The following DMXL2 variants were observed in gnomAD, a reference collection of about 807,000 sequenced individuals.
DMXL2 encodes dmX-like protein 2.
In DMXL2, 103 loss-of-function variants were observed where a neutral mutation model predicts 331.1. That is an observed-to-expected ratio of 0.31 (90% CI 0.27 to 0.37). The LOEUF is 0.37. Ranked by LOEUF, DMXL2 falls within the 10% of genes least tolerant of loss-of-function variation. DMXL2 has a pLI of 1.00. For synonymous variants in DMXL2, 1,281 were observed against 1,252.1 expected (o/e 1.02, Z -0.49); for missense variants, 3,171 against 3,642.9 (o/e 0.87, Z 3.33).
At chr15:51,561,471 A>G (rs538222889) in intron 6 of DMXL2, among the ~76,000 whole-genome samples, 2 of 152,234 alleles carry the variant, frequency 1.3e-5, no homozygotes, top group Admixed American at 1.3e-4. Flanking sequence ...GCCAGTTCTG[A>G]GGCACCCGTG....
At chr15:51,496,339 G>A (rs536987342) in intron 18 of DMXL2, among the ~76,000 whole-genome samples, 2 of 152,284 alleles carry the variant, frequency 1.3e-5, no homozygotes, top group South Asian at 4.1e-4. Flanking sequence ...TGAGAGATAG[G>A]GAATGCTGGA....
chr15:51,585,667 T>C (rs1161448351), intron 1 of DMXL2, among the ~76,000 whole-genome samples: 1 of 152,208 alleles, frequency 6.6e-6, no homozygotes, highest in African/African-American at 2.4e-5. Context: ...CCAAGCTGTA[T>C]AAAAGTACCT....
At chr15:51,515,308 T>C (rs2046974926) in intron 14 of DMXL2, among the ~76,000 whole-genome samples, 1 of 152,132 alleles carries the variant, frequency 6.6e-6, no homozygotes, top group South Asian at 2.1e-4. Context: ...ATCAATCAGA[T>C]GGCTCCCCCA....
intron 13 of DMXL2, among the ~76,000 whole-genome samples, chr15:51,531,067 T>C (rs1301458234): frequency 1.3e-5 from 2 of 152,170 alleles, no homozygotes; most frequent in Non-Finnish European, 2.9e-5. Flanking sequence ...AGACCCAGAA[T>C]AGCCAAAGCT....
chr15:51,531,541 T>G (rs954845042), intron 13 of DMXL2, among the ~76,000 whole-genome samples: 1 of 151,926 alleles, frequency 6.6e-6, no homozygotes, highest in Non-Finnish European at 1.5e-5. Context: ...TGGGATCACA[T>G]CAAGTTAAAA....
intron 13 of DMXL2, among the ~76,000 whole-genome samples, chr15:51,520,865 T>A (rs796791606): frequency 6.6e-6 from 1 of 151,970 alleles, no homozygotes; most frequent in East Asian, 1.9e-4. Context: ...TCAAAATAAA[T>A]AAATAAATAA....
At chr15:51,470,952 C>G (rs2041048405) in intron 29 of DMXL2, among the ~76,000 whole-genome samples, 1 of 152,080 alleles carries the variant, frequency 6.6e-6, no homozygotes, top group African/African-American at 2.4e-5. Flanking sequence ...ATTCCAGTCA[C>G]TCGAAAAAGA....
At chr15:51,588,408 G>C (rs1281690804) in intron 1 of DMXL2, among the ~76,000 whole-genome samples, 2 of 152,006 alleles carry the variant, frequency 1.3e-5, no homozygotes, top group Non-Finnish European at 2.9e-5. Context: ...ATCTGGCCAG[G>C]AGCGCTGGGA....
At position 51,463,493 on chromosome 15, in the gene DMXL2, G is replaced by C. The variant is rs757074229; in HGVS notation, c.7812C>G (p.Ser2604=). The C allele has an allele frequency of 6.4e-7, 1 of 1,560,390 alleles. No homozygotes were observed. The highest frequency in any genetic ancestry group is 2.1e-5 in the Admixed American group (1 of 47,420). Reference sequence around the variant, plus strand: ...TGACTGGAAATGCAGAAGAATCCCGGGACCTATTAAAAAAAATTAACATAT... The same window carrying C: ...TGACTGGAAATGCAGAAGAATCCCGCGACCTATTAAAAAAAATTAACATAT... ...MLEPENTPFK[S]RDSSAFPVKR... The change falls in exon 33 of 44, where the codon TCC becomes TCG. Residue 2604 remains serine, a synonymous_variant. Transcript: ENST00000560891.
intron 12 of DMXL2, 25 bp downstream of exon 12, chr15:51,536,141 T>C (rs2048274098): frequency 6.6e-7 from 1 of 1,507,506 alleles, no homozygotes; most frequent in Admixed American, 2.3e-5. Context: ...CTTGTGTTAA[T>C]TTCACAATTA....
intron 9 of DMXL2, 140 bp downstream of exon 9, chr15:51,542,193 T>G (rs1015388783): frequency 3.7e-6 from 3 of 809,936 alleles, no homozygotes; most frequent in Admixed American, 2.9e-5. Context: ...AAAATGGTAC[T>G]TTATATTATA....
intron 1 of DMXL2, among the ~76,000 whole-genome samples, chr15:51,603,330 G>A (rs770932270): frequency 3.3e-5 from 5 of 151,962 alleles, no homozygotes; most frequent in African/African-American, 1.2e-4. Context: ...AACTCTATAC[G>A]CAAACCTATA....
intron 8 of DMXL2, among the ~76,000 whole-genome samples, 198 bp downstream of exon 8, chr15:51,545,385 C>T (rs2048834298): frequency 6.6e-6 from 1 of 152,042 alleles, no homozygotes; most frequent in South Asian, 2.1e-4. Flanking sequence ...ACCTATAAAA[C>T]ATGTCTGAGA....
At position 51,486,241 on chromosome 15, in the gene DMXL2, G is replaced by A. The variant is rs758557726; in HGVS notation, c.5314C>T (p.Leu1772=). 2 of 1,613,872 alleles carry A rather than the reference G, an allele frequency of 1.2e-6. No homozygotes were observed. Among genetic ancestry groups the A allele is most frequent in the Non-Finnish European group, 1.7e-6 (2 of 1,179,842 alleles). Residue 1772 remains leucine (L), a synonymous_variant, in exon 23 of 44, where the codon CTA becomes TTA. Coordinates refer to ENST00000560891, the MANE Select transcript of DMXL2 (RefSeq NM_001378457.1). The part of the protein sequence containing the change: ...FETSSTYISI[L]NQKILGCQKD... ...TGGCAACCCAAAATCTTCTGATTTA[G>A]GATGGATATATAAGTGGATGAAGTC... is the stretch of plus-strand genomic sequence containing the variant.
chr15:51,621,144 T>C (rs1272461723), intron 1 of DMXL2, among the ~76,000 whole-genome samples: 1 of 152,166 alleles, frequency 6.6e-6, no homozygotes, highest in African/African-American at 2.4e-5. Context: ...CAGCTCTATA[T>C]GAATATTTTA....
At position 51,521,525 on chromosome 15, in the gene DMXL2, G is replaced by C. The variant is rs774429567; in HGVS notation, c.2437-4358C>G. Among the ~76,000 whole-genome samples, 74 of 151,544 alleles carry C rather than the reference G, an allele frequency of 4.9e-4. 1 individual carries two copies. The highest frequency in any genetic ancestry group is 1.3e-3 in the Admixed American group (20 of 15,186). On this transcript the variant is annotated intron_variant, in intron 13 of 43. Transcript: ENST00000560891. ...TTCAGGTTAAATAACTTTCCCAGCT[G>C]TTATTATTGTTAAGGTTACAAGTCA...
At chr15:51,596,622 A>G (rs12050586) in intron 1 of DMXL2, among the ~76,000 whole-genome samples, 72,865 of 151,964 alleles carry the variant, frequency 0.48, 17,834 homozygotes, top group Non-Finnish European at 0.52. Flanking sequence ...ACATGCACAC[A>G]TATGTTTACT....
At chr15:51,595,979 C>T (rs2141275697) in intron 1 of DMXL2, among the ~76,000 whole-genome samples, 2 of 152,086 alleles carry the variant, frequency 1.3e-5, no homozygotes, top group East Asian at 3.8e-4. Context: ...AGAAGAAAAC[C>T]TAGGCAATAA....
intron 39 of DMXL2, among the ~76,000 whole-genome samples, 199 bp downstream of exon 39, chr15:51,455,852 TAGTATCTTTAAATAG>T (rs1438441563): frequency 6.6e-6 from 1 of 152,256 alleles, no homozygotes; most frequent in Non-Finnish European, 1.5e-5. Flanking sequence ...ACAGTATATT[TAGTATCTTTAAATAG>T]ATGATTAATC....
Sources: allele counts gnomAD v4.1 joint callset (sites outside exome capture counted in the v4.1 genomes callset), GRCh38; gene constraint gnomAD v4.1.1; transcripts MANE v1.5; gene names NCBI Gene and HGNC (gene_info 2026-07-23, HGNC 2026-07-21).